SEMA3C: variants seen among roughly 807,000 people sequenced by gnomAD.
SEMA3C encodes semaphorin-3C.
In SEMA3C, 47 loss-of-function variants were observed where a neutral mutation model predicts 89.4. The ratio of observed to expected loss-of-function variants is 0.53; its 90% CI spans 0.42 to 0.67. SEMA3C has a LOEUF of 0.67. SEMA3C is among the 30% of genes least tolerant of loss of function. SEMA3C has a pLI of 0.00. For missense variants in SEMA3C, 839 were observed against 929.1 expected (o/e 0.90, Z 1.26); for synonymous variants, 310 against 320.2 (o/e 0.97, Z 0.34).
intron 12 of SEMA3C, among the ~76,000 whole-genome samples, chr7:80,767,392 A>G (rs1349860037): frequency 6.6e-6 from 1 of 152,220 alleles, no homozygotes; most frequent in Non-Finnish European, 1.5e-5. Flanking sequence ...CAAAATAAAT[A>G]TAAGAATACA....
intron 5 of SEMA3C, among the ~76,000 whole-genome samples, chr7:80,817,191 T>A (rs1789627932): frequency 6.6e-6 from 1 of 152,190 alleles, no homozygotes; most frequent in South Asian, 2.1e-4. Context: ...CAAATTATAA[T>A]TAGTTATTTT....
intron 11 of SEMA3C, among the ~76,000 whole-genome samples, chr7:80,791,420 A>G (rs1357827039): frequency 5.9e-5 from 9 of 152,176 alleles, no homozygotes; most frequent in African/African-American, 1.4e-4. Context: ...CAAAAACACT[A>G]TATTTTTCTT....
At chr7:80,907,194 T>A (rs1792035194) in intron 2 of SEMA3C, among the ~76,000 whole-genome samples, 1 of 152,072 alleles carries the variant, frequency 6.6e-6, no homozygotes, top group Admixed American at 6.5e-5. Context: ...GCATGGCTTT[T>A]AAAAGAATCA....
chr7:80,818,168 T>C (rs1226788774), intron 5 of SEMA3C, 131 bp downstream of exon 5: 1 of 849,008 alleles, frequency 1.2e-6, no homozygotes, highest in Non-Finnish European at 1.7e-6. Flanking sequence ...AAAAATGTAA[T>C]ATAGTTTGTA....
intron 2 of SEMA3C, among the ~76,000 whole-genome samples, chr7:80,829,857 T>C (rs890182760): frequency 1.3e-5 from 2 of 152,206 alleles, no homozygotes; most frequent in South Asian, 4.1e-4. Context: ...TTGATTATAA[T>C]CTGAAGAATG....
At chr7:80,815,553 G>GAAAAA (rs1789582066) in intron 5 of SEMA3C, among the ~76,000 whole-genome samples, 1 of 47,784 alleles carries the variant, frequency 2.1e-5, no homozygotes, top group Non-Finnish European at 4.4e-5. Flanking sequence ...CTTTAAATGG[G>GAAAAA]CAAAAAAAAA....
chr7:80,890,907 A>C (rs145665669), intron 2 of SEMA3C, among the ~76,000 whole-genome samples: 336 of 152,308 alleles, frequency 2.2e-3, no homozygotes, highest in African/African-American at 7.5e-3. Flanking sequence ...TTTGAGAAGC[A>C]TATGCACATG....
intron 2 of SEMA3C, among the ~76,000 whole-genome samples, chr7:80,882,411 G>GTTTTT (rs1466925269): frequency 1.2e-5 from 1 of 80,326 alleles, no homozygotes; most frequent in East Asian, 4.4e-4. Flanking sequence ...TGTAAGGGAT[G>GTTTTT]CTTTTTTTTT....
chr7:80,830,386 C>A (rs187900099), intron 2 of SEMA3C, among the ~76,000 whole-genome samples: 2 of 152,114 alleles, frequency 1.3e-5, no homozygotes, highest in East Asian at 1.9e-4. Flanking sequence ...TCAATAAATT[C>A]TAATTACTGT....
At chr7:80,866,981 G>A (rs1367147031) in intron 2 of SEMA3C, among the ~76,000 whole-genome samples, 1 of 152,182 alleles carries the variant, frequency 6.6e-6, no homozygotes, top group Non-Finnish European at 1.5e-5. Context: ...CAAGAAAGTT[G>A]AGCAAGTTTT....
chr7:80,912,967 T>C (rs116778685), intron 2 of SEMA3C, among the ~76,000 whole-genome samples: 338 of 152,336 alleles, frequency 2.2e-3, no homozygotes, highest in Middle Eastern at 0.01. Context: ...GATTCTTTTA[T>C]TTGTTGAGGG....
At chr7:80,892,556 C>A (rs73374870) in intron 2 of SEMA3C, among the ~76,000 whole-genome samples, 8,306 of 151,708 alleles carry the variant, frequency 0.055, 619 homozygotes, top group African/African-American at 0.16. Flanking sequence ...TTTAAAAAAA[C>A]AACAACAACA....
intron 2 of SEMA3C, among the ~76,000 whole-genome samples, chr7:80,855,412 A>G (rs1349079370): frequency 6.6e-6 from 1 of 152,134 alleles, no homozygotes; most frequent in Non-Finnish European, 1.5e-5. Flanking sequence ...CCAGGACTAC[A>G]GGTGAGCACT....
intron 2 of SEMA3C, among the ~76,000 whole-genome samples, chr7:80,841,862 A>G (rs1236313958): frequency 6.6e-6 from 1 of 152,182 alleles, no homozygotes; most frequent in East Asian, 1.9e-4. Flanking sequence ...CTTTATCTAA[A>G]TATTATTTAT....
chr7:80,876,303 A>T (rs2116075644), intron 2 of SEMA3C, among the ~76,000 whole-genome samples: 1 of 152,344 alleles, frequency 6.6e-6, no homozygotes, highest in African/African-American at 2.4e-5. Flanking sequence ...GTATTTGCAT[A>T]CTTAAGCATT....
chr7:80,850,574 T>A (rs187594152), intron 2 of SEMA3C, among the ~76,000 whole-genome samples: 344 of 152,276 alleles, frequency 2.3e-3, no homozygotes, highest in African/African-American at 7.7e-3. Context: ...TCTATGGTCA[T>A]AGAAGTAATC....
At position 80,916,791 on chromosome 7, in the gene SEMA3C, T is replaced by C. The variant is rs746626960; in HGVS notation, c.-10A>G. ...TTGTCCGGAATGCCATTTCTTCAGATATGCAAGTTAATATCCAAGGGAAAA... is the reference window on the plus strand; with the variant it reads ...TTGTCCGGAATGCCATTTCTTCAGACATGCAAGTTAATATCCAAGGGAAAA... On this transcript the variant is annotated 5_prime_UTR_variant, in exon 2 of 18. The change creates a new upstream start codon in the 5' untranslated region. Coordinates refer to ENST00000265361, the MANE Select transcript of SEMA3C (RefSeq NM_006379.5). 3.1e-6 allele frequency: 5 copies of C among 1,612,964 alleles called. No individual in the cohort carries two copies. The highest frequency in any genetic ancestry group is 4.5e-5 in the East Asian group (2 of 44,822).
At chr7:80,866,645 T>A (rs1790933105) in intron 2 of SEMA3C, among the ~76,000 whole-genome samples, 1 of 152,176 alleles carries the variant, frequency 6.6e-6, no homozygotes, top group Admixed American at 6.5e-5. Flanking sequence ...CTGAAAGCTG[T>A]CTATGCATTC....
At chr7:80,814,306 T>C (rs1216805759) in intron 5 of SEMA3C, among the ~76,000 whole-genome samples, 1 of 152,088 alleles carries the variant, frequency 6.6e-6, no homozygotes, top group African/African-American at 2.4e-5. Flanking sequence ...GCCAGGATGG[T>C]CTTGATCTCC....
Sources: gnomAD v4.1 joint callset for allele counts (sites outside exome capture counted in the v4.1 genomes callset) on GRCh38, gnomAD v4.1.1 for gene constraint, MANE v1.5 for transcripts, NCBI Gene and HGNC (gene_info 2026-07-23, HGNC 2026-07-21) for gene names.